Variants in NQO2 observed in about 807,000 individuals in gnomAD.
The protein encoded by NQO2 is N-ribosyldihydronicotinamide:quinone dehydrogenase 2, also known as ribosyldihydronicotinamide dehydrogenase [quinone].
NQO2 carries 18 observed loss-of-function variants against 22.0 expected under a neutral mutation model. That is an observed-to-expected ratio of 0.82 (90% CI 0.56 to 1.21). The LOEUF (loss-of-function observed/expected upper bound fraction) is 1.21. Ranked by LOEUF, NQO2 falls within the 50% of genes most tolerant of loss-of-function variation. The pLI, the probability that NQO2 is intolerant of heterozygous loss-of-function variation, is 0.00. For synonymous variants in NQO2, 106 were observed against 110.8 expected, an observed-to-expected ratio of 0.96 and a Z score of 0.28; for missense variants, 267 against 286.9, an observed-to-expected ratio of 0.93 and a Z score of 0.50.
At chr6:3,008,246 G>A (rs1418359746) in intron 2 of NQO2, among the ~76,000 whole-genome samples, 2 of 151,648 alleles carry the variant, frequency 1.3e-5, no homozygotes, top group East Asian at 1.9e-4. Flanking sequence ...GGAGAAACCC[G>A]GTCTTAACTA....
In NQO2 at chr6:3,011,850, AAGAG is replaced by A. The variant is rs377427611; in HGVS notation, c.173-687_173-684del. Among the ~76,000 whole-genome samples the A allele has an allele frequency of 1.6e-4, 24 of 152,328 alleles. No individual in the cohort carries two copies. In the South Asian group the frequency reaches 2.3e-3, roughly 14 times the overall value. On this transcript the variant is annotated intron_variant, in intron 3 of 6. Transcript: ENST00000380455. ...CAGCAAATCTAGCCTTCAACTCTGAAAGAGAGAGAGTCTTTCCCAAACAAAGAAA... is the reference window on the plus strand; with the variant it reads ...CAGCAAATCTAGCCTTCAACTCTGAAAGAGAGTCTTTCCCAAACAAAGAAA...
rs1332835364 is a variant in NQO2, at chr6:3,012,575, T to C, written c.204T>C (p.Tyr68=). 3 of 1,614,166 alleles carry C rather than the reference T, an allele frequency of 1.9e-6. No homozygotes were observed. The change falls in exon 4 of 7, where the codon TAT becomes TAC. Residue 68 remains tyrosine (Y), a synonymous_variant. Transcript: ENST00000380455. ...GTLSNPEVFN[Y]GVETHEAYKQ... ...TTTCTAATCCTGAGGTTTTCAATTA[T>C]GGAGTGGAAACCCACGAAGCCTACA...
intron 1 of NQO2, among the ~76,000 whole-genome samples, chr6:3,003,173 T>C (rs1012779154): frequency 6.6e-6 from 1 of 152,226 alleles, no homozygotes; most frequent in Non-Finnish European, 1.5e-5. Context: ...CTCTCCTCTC[T>C]TTTTCCTTTA....
chr6:3,016,489 T>C (rs888905906), intron 5 of NQO2, among the ~76,000 whole-genome samples: 10 of 144,324 alleles, frequency 6.9e-5, no homozygotes, highest in African/African-American at 2.6e-4. Flanking sequence ...AGAAAATAAA[T>C]GCACGTAAGG....
Position 3,012,537 on chromosome 6 carries a change from C to T in NQO2, c.173-7C>T, listed in dbSNP as rs1238836800. ...GGAGTGAGAATGTTTGGCCTCTTCC[C>T]CGACAGGTACTCTTTCTAATCCTGA... On this transcript the variant is annotated splice_polypyrimidine_tract_variant and splice_region_variant and intron_variant, in intron 3 of 6. Transcript: ENST00000380455. 1 of 1,613,930 alleles carries T rather than the reference C, an allele frequency of 6.2e-7. No homozygotes were observed. Among genetic ancestry groups the T allele is most frequent in the South Asian group, 1.1e-5 (1 of 91,008 alleles).
At chr6:3,011,855 A>G (rs76678672) in intron 3 of NQO2, among the ~76,000 whole-genome samples, 2,102 of 152,288 alleles carry the variant, frequency 0.014, 42 homozygotes, top group African/African-American at 0.042. Context: ...TCTGAAAGAG[A>G]GAGAGTCTTT....
chr6:3,008,559 G>A (rs1317945181), intron 2 of NQO2, among the ~76,000 whole-genome samples: 2 of 152,192 alleles, frequency 1.3e-5, no homozygotes, highest in Non-Finnish European at 2.9e-5. Context: ...AGACCAGCCT[G>A]GCCAACATGG....
chr6:3,004,702 A>G (rs1009525297), intron 1 of NQO2: 1 of 944,048 alleles, frequency 1.1e-6, no homozygotes. Context: ...GTTTTGCTGT[A>G]AAGACACACT....
chr6:3,008,412 CAA>C (rs543349139), intron 2 of NQO2, among the ~76,000 whole-genome samples: 24 of 83,474 alleles, frequency 2.9e-4, no homozygotes, highest in African/African-American at 1.8e-4. Context: ...AACTCTGTTT[CAA>C]AAAAAAAAAA....
intron 5 of NQO2, chr6:3,016,621 G>T (rs116533267): frequency 4.6e-4 from 138 of 296,936 alleles, no homozygotes; most frequent in African/African-American, 2.9e-3. Flanking sequence ...CATCACACAT[G>T]GTGTCATGGA....
chr6:3,004,691 T>C (rs529759470), intron 1 of NQO2: 19 of 977,690 alleles, frequency 1.9e-5, no homozygotes, highest in South Asian at 9.5e-5. Flanking sequence ...CTGTGCTTTT[T>C]GTTTTGCTGT....
In NQO2 at chr6:3,012,541, C is replaced by G. The variant is rs766238170; in HGVS notation, c.173-3C>G. 1.9e-6 allele frequency: 3 copies of G among 1,613,892 alleles called. No individual in the cohort carries two copies. In the African/African-American group the frequency reaches 4.0e-5, roughly 22 times the overall value. On this transcript the variant is annotated splice_polypyrimidine_tract_variant and splice_region_variant and intron_variant, in intron 3 of 6. Transcript: ENST00000380455. ...TGAGAATGTTTGGCCTCTTCCCCGA[C>G]AGGTACTCTTTCTAATCCTGAGGTT...
intron 1 of NQO2, chr6:3,005,570 A>G (rs1756922895): frequency 1.2e-6 from 1 of 860,604 alleles, no homozygotes; most frequent in African/African-American, 1.8e-5. Context: ...CCTTCTGCCC[A>G]TTTTTGCATT....
chr6:3,004,735 G>C (rs1198513249), intron 1 of NQO2: 2 of 701,444 alleles, frequency 2.9e-6, no homozygotes, highest in African/African-American at 3.9e-5. Context: ...TTGTCGTTTG[G>C]ACACAACATG....
At chr6:3,012,035 G>A (rs1364172356) in intron 3 of NQO2, among the ~76,000 whole-genome samples, 1 of 152,232 alleles carries the variant, frequency 6.6e-6, no homozygotes. Context: ...TACTGTAATT[G>A]TGTACAGTCC....
chr6:3,008,657 G>A (rs181502217), intron 2 of NQO2, among the ~76,000 whole-genome samples: 12 of 152,282 alleles, frequency 7.9e-5, no homozygotes, highest in East Asian at 3.9e-4. Context: ...GATATTGGGC[G>A]AAATTCACCC....
At chr6:3,000,954 C>T (rs1161849064) in intron 1 of NQO2, among the ~76,000 whole-genome samples, 1 of 150,716 alleles carries the variant, frequency 6.6e-6, no homozygotes, top group Non-Finnish European at 1.5e-5. Flanking sequence ...GCGATTCTCC[C>T]CCCTCAGCCC....
At chr6:3,013,201 C>T (rs377727383) in intron 4 of NQO2, among the ~76,000 whole-genome samples, 11 of 151,280 alleles carry the variant, frequency 7.3e-5, no homozygotes, top group South Asian at 4.2e-4. Context: ...GTGATCCACC[C>T]GCCTCGGCCT....
intron 4 of NQO2, among the ~76,000 whole-genome samples, chr6:3,013,680 A>C (rs1757223910): frequency 6.6e-6 from 1 of 152,146 alleles, no homozygotes; most frequent in Non-Finnish European, 1.5e-5. Flanking sequence ...GCCCTCCAGG[A>C]GTGCTGACTC....
Sources: allele counts gnomAD v4.1 joint callset (sites outside exome capture counted in the v4.1 genomes callset), GRCh38; gene constraint gnomAD v4.1.1; transcripts MANE v1.5; gene names NCBI Gene and HGNC (gene_info 2026-07-23, HGNC 2026-07-21).